AGO2: variants seen among roughly 807,000 people sequenced by gnomAD.
AGO2 encodes the protein argonaute RISC catalytic component 2.
In AGO2, 5 loss-of-function variants were observed where a neutral mutation model predicts 102.3. The observed-to-expected ratio is 0.05, with a 90% CI of 0.03 to 0.10. The LOEUF is 0.10. Among genes scored for constraint, AGO2 ranks in the 10% least tolerant of loss-of-function variants. The probability of loss-of-function intolerance (pLI) is 1.00; values close to 1 mark genes in which losing one functional copy is unlikely to be tolerated. For synonymous variants in AGO2, 449 were observed against 473.1 expected, an observed-to-expected ratio of 0.95 and a Z score of 0.66; for missense variants, 541 against 1,183.7, an observed-to-expected ratio of 0.46 and a Z score of 7.97.
chr8:140,537,055 T>C (rs2072711049), intron 16 of AGO2, among the ~76,000 whole-genome samples: 1 of 152,256 alleles, frequency 6.6e-6, no homozygotes, highest in Non-Finnish European at 1.5e-5. Flanking sequence ...TCTTGTTACA[T>C]GTTTAATGCA....
At position 140,534,393 on chromosome 8, in the gene AGO2, C is replaced by T. The variant is rs574037393; in HGVS notation, c.2271+1075G>A. ...GGGAAGACTGAACAGAGGGCACACG[C>T]AGGCAGGGCATGGCCCCAGGCCCAT... On this transcript the variant is annotated intron_variant, in intron 17 of 18. Transcript: ENST00000220592. Among the ~76,000 whole-genome samples the T allele has an allele frequency of 5.9e-5, 9 of 152,352 alleles. No individual in the cohort carries two copies. In the East Asian group the frequency reaches 9.7e-4, roughly 16 times the overall value.
chr8:140,635,457 G>A, intron 1 of AGO2, 28 bp downstream of exon 1: 1 of 980,190 alleles, frequency 1.0e-6, no homozygotes, highest in Non-Finnish European at 1.2e-6. Flanking sequence ...CGAACGGCCG[G>A]GCGGGCGCCC....
intron 10 of AGO2, among the ~76,000 whole-genome samples, chr8:140,554,327 C>T (rs1313060066): frequency 3.9e-5 from 6 of 152,166 alleles, no homozygotes; most frequent in Non-Finnish European, 8.8e-5. Context: ...CCTGCTCAGA[C>T]TCCCTTCAGA....
At chr8:140,630,457 G>A (rs1317218696) in intron 1 of AGO2, among the ~76,000 whole-genome samples, 1 of 152,238 alleles carries the variant, frequency 6.6e-6, no homozygotes, top group Non-Finnish European at 1.5e-5. Flanking sequence ...GTGGTTTCAA[G>A]TTCCTAAACT....
intron 2 of AGO2, among the ~76,000 whole-genome samples, chr8:140,576,870 T>C (rs989702933): frequency 3.3e-5 from 5 of 152,066 alleles, no homozygotes; most frequent in African/African-American, 1.2e-4. Context: ...CACAATGCAA[T>C]ACTTGAATCC....
intron 2 of AGO2, among the ~76,000 whole-genome samples, chr8:140,584,901 CTG>C (rs1225723233): frequency 2.0e-5 from 3 of 152,086 alleles, no homozygotes; most frequent in Admixed American, 6.6e-5. Flanking sequence ...TATCCTGAAA[CTG>C]TGTCTCAATA....
rs752989905 is a variant in AGO2, at chr8:140,557,279, C to T, written c.879-43G>A. 6.4e-7 allele frequency: 1 copy of T among 1,566,344 alleles called. No homozygotes were observed. The highest frequency in any genetic ancestry group is 1.2e-5 in the South Asian group (1 of 84,772). Reference sequence around the variant, plus strand: ...TGTTCAGGCCGAGGGCATCCCGGAGCCCCTTCCCCTGCGCTGCTTTTCATT... The same window carrying T: ...TGTTCAGGCCGAGGGCATCCCGGAGTCCCTTCCCCTGCGCTGCTTTTCATT... On this transcript the variant is annotated intron_variant, in intron 7 of 18. Coordinates refer to ENST00000220592, the MANE Select transcript of AGO2 (RefSeq NM_012154.5). The surrounding 1 kb of genome is among the most constrained non-coding windows in gnomAD (Gnocchi z 5.9).
At chr8:140,537,897 C>A (rs2072725064) in intron 16 of AGO2, among the ~76,000 whole-genome samples, 1 of 152,184 alleles carries the variant, frequency 6.6e-6, no homozygotes, top group South Asian at 2.1e-4. Flanking sequence ...TGGCTCACTG[C>A]AACCTCTGCC....
intron 8 of AGO2, among the ~76,000 whole-genome samples, chr8:140,556,649 G>A (rs1005188217): frequency 1.6e-4 from 25 of 152,280 alleles, no homozygotes; most frequent in African/African-American, 6.0e-4. Context: ...CCTGTGGGAC[G>A]AGGTGCTGGA....
At position 140,557,344 on chromosome 8, in the gene AGO2, T is replaced by G. The variant is rs2073114883; in HGVS notation, c.879-108A>C. ...AGGGTGACGTGTGAGGAGCAAACAT[T>G]CAGAGCACTTCCGGGAGTGAAAACC... On this transcript the variant is annotated intron_variant, in intron 7 of 18. Coordinates refer to ENST00000220592, the MANE Select transcript of AGO2 (RefSeq NM_012154.5). This position sits in a 1 kb window ranked among gnomAD's most constrained non-coding sequence, Gnocchi z 5.9. 1 of 1,340,864 alleles carries G rather than the reference T, an allele frequency of 7.5e-7. No individual in the cohort carries two copies. The highest frequency in any genetic ancestry group is 1.5e-5 in the African/African-American group (1 of 67,976). The allele number at this position is 1,340,864 out of a possible 1,614,324, so 83.1% of individuals were successfully genotyped here. A position where few individuals can be genotyped will look rare whatever the true frequency, so the allele number is the denominator to read the frequency against.
At chr8:140,562,368 T>C (rs73362319) in intron 4 of AGO2, 85 bp downstream of exon 4, 118,260 of 1,485,038 alleles carry the variant, frequency 0.08, 5,508 homozygotes, top group African/African-American at 0.19. Flanking sequence ...GAATGAGCCG[T>C]TCCTCGGACA....
At position 140,560,518 on chromosome 8, in the gene AGO2, C is replaced by A. The variant is rs542689578; in HGVS notation, c.519-8G>T. ...CGGCCCACGGGGGTGTACCTGGAAC[C>A]AAGAGACCCCACCCCGCCTCCCGTC... On this transcript the variant is annotated splice_region_variant and splice_polypyrimidine_tract_variant and intron_variant, in intron 4 of 18. Transcript: ENST00000220592. The A allele has an allele frequency of 1.9e-6, 3 of 1,606,356 alleles. No individual in the cohort carries two copies. In the East Asian group the frequency reaches 6.7e-5, roughly 36 times the overall value.
chr8:140,595,528 G>A lies in AGO2; in HGVS notation c.23-10217C>T, dbSNP rs960577745. Among the ~76,000 whole-genome samples the A allele has an allele frequency of 6.8e-5, 10 of 147,638 alleles. 1 individual carries two copies. The highest frequency in any genetic ancestry group is 1.2e-4 in the Non-Finnish European group (8 of 67,398). ...TGCCGAAGCTGAAGTGCAGTGGTGC[G>A]ATCATAGGGCTCAAGTGATCCTCCT... On this transcript the variant is annotated intron_variant, in intron 1 of 18. Coordinates refer to ENST00000220592, the MANE Select transcript of AGO2 (RefSeq NM_012154.5).
intron 1 of AGO2, among the ~76,000 whole-genome samples, chr8:140,594,496 G>A (rs2073792641): frequency 6.6e-6 from 1 of 152,064 alleles, no homozygotes; most frequent in Non-Finnish European, 1.5e-5. Flanking sequence ...GTTGCAAAAG[G>A]ATGATTTTTG....
Position 140,585,298 on chromosome 8 carries a change from A to C in AGO2, c.36T>G (p.Pro12=). The C allele has an allele frequency of 1.2e-6, 2 of 1,613,852 alleles. No homozygotes were observed. The highest frequency in any genetic ancestry group is 1.7e-6 in the Non-Finnish European group (2 of 1,179,852). The change falls in exon 2 of 19, where the codon CCT becomes CCG. Residue 12 remains proline (P), a synonymous_variant. Transcript: ENST00000220592. ...YSGAGPALAP[P]APPPPIQGYA... ...ATCCTTGGATGGGGGGCGGCGGCGC[A>C]GGAGGTGCAAGTGCTGGAATGGCAG...
intron 14 of AGO2, 40 bp downstream of exon 14, chr8:140,544,173 G>A: frequency 3.2e-6 from 5 of 1,540,680 alleles, no homozygotes; most frequent in Non-Finnish European, 4.3e-6. Flanking sequence ...CGTCCTGCAT[G>A]TTGTCAATGG....
intron 1 of AGO2, among the ~76,000 whole-genome samples, chr8:140,635,266 G>C (rs1420852168): frequency 6.8e-6 from 1 of 146,174 alleles, no homozygotes; most frequent in Non-Finnish European, 1.5e-5. Flanking sequence ...GGAGGCCGGG[G>C]CTGCGCGTCC....
chr8:140,562,375 G>A (rs2073216085), intron 4 of AGO2, 78 bp downstream of exon 4: 1 of 1,505,724 alleles, frequency 6.6e-7, no homozygotes, highest in South Asian at 1.3e-5. Context: ...CCGTTCCTCG[G>A]ACAGATTTCA....
intron 1 of AGO2, among the ~76,000 whole-genome samples, chr8:140,596,515 G>A (rs538534671): frequency 5.7e-4 from 87 of 152,328 alleles, no homozygotes; most frequent in Admixed American, 2.1e-3. Flanking sequence ...CCCTGGAGGC[G>A]GAGGTTGCAG....
Sources: allele counts gnomAD v4.1 joint callset (sites outside exome capture counted in the v4.1 genomes callset), GRCh38; gene constraint gnomAD v4.1.1; non-coding constraint Gnocchi (gnomAD v3.1); transcripts MANE v1.5; gene names NCBI Gene and HGNC (gene_info 2026-07-23, HGNC 2026-07-21).